The following SLC8A3 variants were observed in gnomAD, a reference collection of about 807,000 sequenced individuals.
SLC8A3 encodes the protein sodium/calcium exchanger 3.
SLC8A3 carries 37 observed loss-of-function variants against 65.4 expected under a neutral mutation model. The observed-to-expected ratio is 0.57, with a 90% CI of 0.44 to 0.74. The LOEUF is 0.74. Among genes scored for constraint, SLC8A3 ranks in the 30% least tolerant of loss-of-function variants. The pLI, the probability that SLC8A3 is intolerant of heterozygous loss-of-function variation, is 0.00. For synonymous variants in SLC8A3, 461 were observed against 444.5 expected (o/e 1.04, Z -0.47); for missense variants, 1,112 against 1,172.1 (o/e 0.95, Z 0.75).
intron 2 of SLC8A3, among the ~76,000 whole-genome samples, chr14:70,117,450 G>A (rs1243960547): frequency 6.6e-6 from 1 of 152,210 alleles, no homozygotes; most frequent in Non-Finnish European, 1.5e-5. Flanking sequence ...TTAGGGCTTA[G>A]TTTGAGCATT....
In SLC8A3 at chr14:70,082,741, G is replaced by A. The variant is rs1362540547; in HGVS notation, c.1785-21802C>T. Among the ~76,000 whole-genome samples, 5 of 152,272 alleles carry A rather than the reference G, an allele frequency of 3.3e-5. No individual in the cohort carries two copies. The South Asian group carries it at 1.0e-3, about 32-fold the overall frequency. On this transcript the variant is annotated intron_variant, in intron 2 of 6. Coordinates refer to ENST00000356921, the MANE Select transcript of SLC8A3 (RefSeq NM_182932.3). ...GCTTGGCCAACTGAGGCTAGCTTAA[G>A]CCATCAAGCATTCCTCTGAACCAAA...
chr14:70,130,447 T>G (rs1167045581), intron 2 of SLC8A3, among the ~76,000 whole-genome samples: 1 of 152,162 alleles, frequency 6.6e-6, no homozygotes, highest in Admixed American at 6.5e-5. Context: ...AGACAGCACA[T>G]GCAGATACAA....
intron 2 of SLC8A3, among the ~76,000 whole-genome samples, chr14:70,073,295 G>A (rs1417606252): frequency 2.0e-5 from 3 of 152,040 alleles, no homozygotes; most frequent in Non-Finnish European, 4.4e-5. Context: ...TTCTCAAAGG[G>A]GAATTTAATC....
intron 2 of SLC8A3, among the ~76,000 whole-genome samples, chr14:70,130,798 G>A (rs1300515402): frequency 6.6e-6 from 1 of 152,210 alleles, no homozygotes; most frequent in Non-Finnish European, 1.5e-5. Flanking sequence ...GAGGCACTAT[G>A]CCTTAATAAA....
At chr14:70,189,112 G>A (rs566767325), upstream of SLC8A3, 30 of 152,338 alleles carry the variant, frequency 2.0e-4, no homozygotes, top group African/African-American at 7.0e-4. Context: ...CGCGCGCGGA[G>A]GGGAGACTCT....
intron 2 of SLC8A3, among the ~76,000 whole-genome samples, chr14:70,117,551 TAAC>T (rs1286393745): frequency 6.6e-6 from 1 of 152,248 alleles, no homozygotes; most frequent in Non-Finnish European, 1.5e-5. Flanking sequence ...AGGTTGCTCT[TAAC>T]TACACAAAAA....
At chr14:70,172,011 G>A (rs574779735) in intron 1 of SLC8A3, among the ~76,000 whole-genome samples, 35 of 152,050 alleles carry the variant, frequency 2.3e-4, no homozygotes, top group East Asian at 2.1e-3. Context: ...CAATTGCCCC[G>A]GCCCAGACAC....
At chr14:70,081,996 T>C (rs757351305) in intron 2 of SLC8A3, among the ~76,000 whole-genome samples, 2 of 152,226 alleles carry the variant, frequency 1.3e-5, no homozygotes, top group Admixed American at 1.3e-4. Context: ...GTGCTTTACA[T>C]ACATTTAATC....
intron 2 of SLC8A3, among the ~76,000 whole-genome samples, chr14:70,143,825 C>T (rs1895727855): frequency 6.6e-6 from 1 of 152,184 alleles, no homozygotes; most frequent in Non-Finnish European, 1.5e-5. Flanking sequence ...CTCTATTCCC[C>T]TCTACCCAGG....
intron 2 of SLC8A3, among the ~76,000 whole-genome samples, chr14:70,166,149 C>T (rs1349518915): frequency 6.6e-6 from 1 of 152,146 alleles, no homozygotes; most frequent in Non-Finnish European, 1.5e-5. Flanking sequence ...CAATATAGTA[C>T]CAGGGAACAA....
chr14:70,045,842 G>T lies in SLC8A3; in HGVS notation c.*105C>A. On this transcript the variant is annotated 3_prime_UTR_variant, in exon 7 of 7. Coordinates refer to ENST00000356921, the MANE Select transcript of SLC8A3 (RefSeq NM_182932.3). ...AAGTTCCTGGGGCTTAGGTCCTGATGCTGCCTCTCCAGGGCAGTGCAGTCG... is the reference window on the plus strand; with the variant it reads ...AAGTTCCTGGGGCTTAGGTCCTGATTCTGCCTCTCCAGGGCAGTGCAGTCG... The T allele has an allele frequency of 1.7e-6, 2 of 1,185,000 alleles. No individual in the cohort carries two copies. Among genetic ancestry groups the T allele is most frequent in the Non-Finnish European group, 1.2e-6 (1 of 864,490 alleles). 73.4% of individuals were successfully genotyped at this position (1,185,000 alleles called of 1,614,324 possible).
intron 2 of SLC8A3, among the ~76,000 whole-genome samples, chr14:70,163,500 T>C (rs1896996673): frequency 6.6e-6 from 1 of 152,148 alleles, no homozygotes; most frequent in Admixed American, 6.5e-5. Context: ...CCAGGCTTGG[T>C]AGGCAAATAA....
chr14:70,153,098 G>A (rs1896370158), intron 2 of SLC8A3, among the ~76,000 whole-genome samples: 1 of 152,160 alleles, frequency 6.6e-6, no homozygotes, highest in South Asian at 2.1e-4. Flanking sequence ...AGGAAGGGCT[G>A]AAGAATGCAA....
chr14:70,055,990 C>T (rs1888071028), intron 3 of SLC8A3, among the ~76,000 whole-genome samples: 1 of 152,178 alleles, frequency 6.6e-6, no homozygotes, highest in African/African-American at 2.4e-5. Flanking sequence ...ATGCACAGAG[C>T]AGCAGCAAGA....
intron 2 of SLC8A3, among the ~76,000 whole-genome samples, chr14:70,087,804 CA>C (rs1429882393): frequency 6.6e-6 from 1 of 152,126 alleles, no homozygotes; most frequent in African/African-American, 2.4e-5. Flanking sequence ...GTGCATGGAC[CA>C]GAACTTTGCA....
At chr14:70,155,172 C>T (rs774445029) in intron 2 of SLC8A3, among the ~76,000 whole-genome samples, 7 of 152,080 alleles carry the variant, frequency 4.6e-5, no homozygotes, top group Admixed American at 3.9e-4. Context: ...CCATCCACCT[C>T]GGCCTCCCAA....
chr14:70,054,344 C>T (rs777671072), intron 3 of SLC8A3, among the ~76,000 whole-genome samples: 14 of 152,080 alleles, frequency 9.2e-5, no homozygotes, highest in South Asian at 2.1e-4. Flanking sequence ...AGATTTCCAA[C>T]GAATTGAAAG....
intron 3 of SLC8A3, 118 bp downstream of exon 3, chr14:70,060,718 G>A: frequency 1.3e-6 from 1 of 770,254 alleles, no homozygotes; most frequent in Non-Finnish European, 2.4e-6. Context: ...AGGAGGAGAA[G>A]GGAAGAAAAG....
chr14:70,062,965 A>G (rs1461255684), intron 2 of SLC8A3, among the ~76,000 whole-genome samples: 2 of 152,174 alleles, frequency 1.3e-5, no homozygotes, highest in Non-Finnish European at 2.9e-5. Flanking sequence ...TCCCTGCTCC[A>G]CAGTATGATC....
Sources: gnomAD v4.1 joint callset for allele counts (sites outside exome capture counted in the v4.1 genomes callset) on GRCh38, gnomAD v4.1.1 for gene constraint, MANE v1.5 for transcripts, NCBI Gene and HGNC (gene_info 2026-07-23, HGNC 2026-07-21) for gene names.